The following GRID1 variants were observed in gnomAD, a reference collection of about 807,000 sequenced individuals.
The protein encoded by GRID1 is glutamate ionotropic receptor delta type subunit 1.
A neutral mutation model predicts 98.0 loss-of-function variants in GRID1; 28 were observed. The ratio of observed to expected loss-of-function variants is 0.29; its 90% CI spans 0.21 to 0.39. The LOEUF is 0.39. Among genes scored for constraint, GRID1 ranks in the 10% least tolerant of loss-of-function variants. GRID1 has a pLI of 1.00. For missense variants in GRID1, 1,111 were observed against 1,340.5 expected, an observed-to-expected ratio of 0.83 and a Z score of 2.67; for synonymous variants, 553 against 538.5, an observed-to-expected ratio of 1.03 and a Z score of -0.37.
chr10:86,216,234 G>T (rs1323015547), intron 2 of GRID1, among the ~76,000 whole-genome samples: 1 of 152,120 alleles, frequency 6.6e-6, no homozygotes, highest in African/African-American at 2.4e-5. Flanking sequence ...AATCCCTAAG[G>T]TCACAAGAGG....
rs558053131 is a variant in GRID1, at chr10:86,350,139, T to C, written c.235+13802A>G. ...ATGCATGCTTGGGTTGTTGGAGAGATGGGGAAAAGGCCAATGTGGCCAGAG... is the reference window on the plus strand; with the variant it reads ...ATGCATGCTTGGGTTGTTGGAGAGACGGGGAAAAGGCCAATGTGGCCAGAG... On this transcript the variant is annotated intron_variant, in intron 2 of 15. Transcript: ENST00000327946. Among the ~76,000 whole-genome samples, 4 of 152,092 alleles carry C rather than the reference T, an allele frequency of 2.6e-5. No homozygotes were observed. In the South Asian group the frequency reaches 6.2e-4, roughly 24 times the overall value.
At chr10:86,084,377 C>T (rs139900483) in intron 4 of GRID1, among the ~76,000 whole-genome samples, 3,773 of 151,864 alleles carry the variant, frequency 0.025, 56 homozygotes, top group Middle Eastern at 0.051. Context: ...AAAGAAAATA[C>T]GTATTGTTGA....
intron 5 of GRID1, among the ~76,000 whole-genome samples, chr10:85,902,642 C>T (rs1841404698): frequency 6.6e-6 from 1 of 152,144 alleles, no homozygotes; most frequent in Non-Finnish European, 1.5e-5. Flanking sequence ...AGCCGTGTGG[C>T]ATCGGGTATG....
chr10:86,224,187 C>T (rs1323203116), intron 2 of GRID1, among the ~76,000 whole-genome samples: 2 of 142,578 alleles, frequency 1.4e-5, no homozygotes, highest in East Asian at 4.9e-4. Flanking sequence ...TCCCAGCATA[C>T]ACAGATGCAC....
At chr10:85,703,722 T>C (rs7911446) in intron 12 of GRID1, among the ~76,000 whole-genome samples, 85,532 of 151,886 alleles carry the variant, frequency 0.56, 24,625 homozygotes, top group Middle Eastern at 0.66. Flanking sequence ...GGTAACAGAA[T>C]GCTAAACACC....
In GRID1 at chr10:85,836,695, T is replaced by G. The variant is rs548185613; in HGVS notation, c.1233+17801A>C. Among the ~76,000 whole-genome samples the G allele has an allele frequency of 7.2e-5, 11 of 152,300 alleles. No homozygotes were observed. In the East Asian group the frequency reaches 1.4e-3, roughly 19 times the overall value. On this transcript the variant is annotated intron_variant, in intron 8 of 15. Coordinates refer to ENST00000327946, the MANE Select transcript of GRID1 (RefSeq NM_017551.3). ...AGCTATCTCCCTAGGCTCAACTTCC[T>G]CCTAAATAAGAGACTTTAGCTTTAG... is the stretch of plus-strand genomic sequence containing the variant.
chr10:86,167,718 T>G (rs569637566), intron 3 of GRID1, among the ~76,000 whole-genome samples: 113 of 152,330 alleles, frequency 7.4e-4, no homozygotes, highest in Middle Eastern at 3.4e-3. Context: ...GAGTCGGCCC[T>G]CCTCAGCATG....
intron 3 of GRID1, among the ~76,000 whole-genome samples, chr10:86,167,607 A>T (rs1016107618): frequency 6.6e-6 from 1 of 152,150 alleles, no homozygotes; most frequent in Non-Finnish European, 1.5e-5. Context: ...GCACCATCTT[A>T]GCTGGTCCTC....
At chr10:85,668,265 A>T (rs1460605524) in intron 12 of GRID1, among the ~76,000 whole-genome samples, 1 of 152,204 alleles carries the variant, frequency 6.6e-6, no homozygotes, top group Non-Finnish European at 1.5e-5. Context: ...CATAGACAAC[A>T]GTCAGATTCA....
At chr10:86,246,677 C>T (rs1318067126) in intron 2 of GRID1, among the ~76,000 whole-genome samples, 1 of 152,192 alleles carries the variant, frequency 6.6e-6, no homozygotes, top group East Asian at 1.9e-4. Context: ...CCCCACGTAC[C>T]TTGCACAAGA....
At chr10:85,959,862 T>C (rs1479541654) in intron 4 of GRID1, among the ~76,000 whole-genome samples, 1 of 152,140 alleles carries the variant, frequency 6.6e-6, no homozygotes, top group East Asian at 1.9e-4. Context: ...ATTGTGTGGA[T>C]ATATTTTTTT....
intron 12 of GRID1, among the ~76,000 whole-genome samples, chr10:85,691,204 C>T (rs1229466727): frequency 1.3e-5 from 2 of 152,200 alleles, no homozygotes; most frequent in Non-Finnish European, 2.9e-5. Flanking sequence ...GATTCTGCTT[C>T]ACATTATTGT....
intron 8 of GRID1, among the ~76,000 whole-genome samples, chr10:85,802,910 C>A (rs981047480): frequency 3.4e-5 from 5 of 146,416 alleles, no homozygotes; most frequent in African/African-American, 1.3e-4. Context: ...AATCAAATTG[C>A]TTATTTGCAG....
intron 4 of GRID1, among the ~76,000 whole-genome samples, chr10:85,997,691 A>T (rs762030466): frequency 2.4e-4 from 36 of 152,232 alleles, no homozygotes; most frequent in Admixed American, 4.6e-4. Flanking sequence ...AACAGAAAAC[A>T]AGAAAAGGGA....
At chr10:86,113,024 G>C (rs1844512782) in intron 4 of GRID1, among the ~76,000 whole-genome samples, 1 of 152,168 alleles carries the variant, frequency 6.6e-6, no homozygotes, top group Non-Finnish European at 1.5e-5. Context: ...CCAGAGACTA[G>C]ACCTTTAGCC....
chr10:86,085,418 G>A (rs995074298), intron 4 of GRID1, among the ~76,000 whole-genome samples: 3 of 152,308 alleles, frequency 2.0e-5, no homozygotes, highest in African/African-American at 7.2e-5. Flanking sequence ...GTGAGAAAAT[G>A]TGGAAAACAG....
At chr10:86,138,701 G>A (rs1366434088) in intron 4 of GRID1, 118 bp downstream of exon 4, 7 of 740,858 alleles carry the variant, frequency 9.4e-6, no homozygotes, top group African/African-American at 1.7e-5. Flanking sequence ...GAGCACCTAC[G>A]GGTCTCCATG....
intron 4 of GRID1, among the ~76,000 whole-genome samples, chr10:86,092,412 C>A (rs1844162662): frequency 6.6e-6 from 1 of 151,998 alleles, no homozygotes; most frequent in Non-Finnish European, 1.5e-5. Context: ...TTGAATTAAC[C>A]CAATCCAACA....
intron 2 of GRID1, among the ~76,000 whole-genome samples, chr10:86,217,939 G>A (rs967750729): frequency 3.3e-5 from 5 of 152,100 alleles, no homozygotes; most frequent in Non-Finnish European, 5.9e-5. Context: ...GCCTGATCCT[G>A]TGTCCAATTC....
Sources: gnomAD v4.1 joint callset for allele counts (sites outside exome capture counted in the v4.1 genomes callset) on GRCh38, gnomAD v4.1.1 for gene constraint, MANE v1.5 for transcripts, NCBI Gene and HGNC (gene_info 2026-07-23, HGNC 2026-07-21) for gene names.